CASK: variants seen among roughly 807,000 people sequenced by gnomAD.
CASK encodes calcium/calmodulin dependent serine protein kinase.
Under a neutral mutation model 82.9 loss-of-function variants are expected in CASK, and 4 were observed. That is an observed-to-expected ratio of 0.05 (90% CI 0.02 to 0.11). CASK has a LOEUF of 0.11. CASK is among the 10% of genes least tolerant of loss of function. The probability of loss-of-function intolerance (pLI) is 1.00; values close to 1 mark genes in which losing one functional copy is unlikely to be tolerated. For synonymous variants in CASK, 259 were observed against 253.5 expected, an observed-to-expected ratio of 1.02 and a Z score of -0.20; for missense variants, 358 against 720.9, an observed-to-expected ratio of 0.50 and a Z score of 5.76.
chrX:41,715,623 G>GAA (rs1458553381), intron 5 of CASK, among the ~76,000 whole-genome samples: 5 of 84,185 alleles, frequency 5.9e-5, no homozygotes, highest in African/African-American at 1.8e-4. Context: ...ACTCTGACTT[G>GAA]AAAAAAAAAA....
Position 41,776,479 on chromosome X carries a change from A to G in CASK, c.278+10699T>C, listed in dbSNP as rs780931858. Among the ~76,000 whole-genome samples the G allele has an allele frequency of 3.5e-5, 4 of 112,954 alleles. No homozygotes were observed. In the South Asian group the frequency reaches 1.5e-3, roughly 41 times the overall value. ...TGCCCTGAATGTTTTATCCATTGTA[A>G]TAAAGGCAAGAAAAGATGTAAAAAA... is the stretch of plus-strand genomic sequence containing the variant. On this transcript the variant is annotated intron_variant, in intron 3 of 26. Transcript: ENST00000378163.
chrX:41,742,826 C>T (rs745965308), intron 4 of CASK, among the ~76,000 whole-genome samples: 85 of 111,555 alleles, frequency 7.6e-4, no homozygotes, highest in African/African-American at 2.7e-3. Flanking sequence ...TCTGAGTCCC[C>T]GCCTACTTTT....
At chrX:41,638,444 T>C (rs182522494) in intron 8 of CASK, among the ~76,000 whole-genome samples, 13 of 110,830 alleles carry the variant, frequency 1.2e-4, no homozygotes, top group Non-Finnish European at 2.3e-4. Flanking sequence ...TCCCAGCTAC[T>C]TGGGAGGCTG....
At chrX:41,812,424 G>A (rs2070310147) in intron 2 of CASK, among the ~76,000 whole-genome samples, 2 of 111,518 alleles carry the variant, frequency 1.8e-5, no homozygotes, top group Admixed American at 1.9e-4. Flanking sequence ...TGGGATGCAA[G>A]GCTGGTTCAA....
intron 3 of CASK, among the ~76,000 whole-genome samples, chrX:41,770,721 T>C (rs2069229347): frequency 9.1e-6 from 1 of 110,298 alleles, no homozygotes; most frequent in South Asian, 3.8e-4. Context: ...AAAAAGGAAA[T>C]AGAAACATAA....
intron 22 of CASK, among the ~76,000 whole-genome samples, chrX:41,540,590 G>A (rs1229692734): frequency 8.9e-6 from 1 of 112,195 alleles, no homozygotes; most frequent in East Asian, 2.8e-4. Context: ...CAAATTGCAC[G>A]GTTACTCAGG....
At chrX:41,700,931 C>CAAAAAAAAAA (rs1215266415) in intron 5 of CASK, among the ~76,000 whole-genome samples, 1 of 37,125 alleles carries the variant, frequency 2.7e-5, no homozygotes, top group Non-Finnish European at 4.3e-5. Flanking sequence ...GACTCCGTCT[C>CAAAAAAAAAA]AAAAAAAAAA....
chrX:41,536,803 T>G (rs1424098800), intron 22 of CASK, among the ~76,000 whole-genome samples: 1 of 111,446 alleles, frequency 9.0e-6, no homozygotes, highest in Non-Finnish European at 1.9e-5. Flanking sequence ...AACATGAGGC[T>G]CTCTGTGGTA....
At chrX:41,669,266 G>A (rs2067162590) in intron 6 of CASK, among the ~76,000 whole-genome samples, 1 of 110,853 alleles carries the variant, frequency 9.0e-6, no homozygotes, top group Non-Finnish European at 1.9e-5. Context: ...CGGTGGGGGG[G>A]AGTTCAAAAT....
chrX:41,658,416 A>G (rs2066977311), intron 8 of CASK, among the ~76,000 whole-genome samples: 1 of 111,718 alleles, frequency 9.0e-6, no homozygotes, highest in Admixed American at 9.5e-5. Context: ...CCAGGTAGAT[A>G]GTGTTTGAAT....
chrX:41,538,179 T>C (rs2064901949), intron 22 of CASK, among the ~76,000 whole-genome samples: 1 of 111,134 alleles, frequency 9.0e-6, no homozygotes, highest in East Asian at 2.8e-4. Context: ...GGGCAGTGAG[T>C]TTATGGGCTA....
chrX:41,822,720 T>C (rs2070576286), intron 2 of CASK, among the ~76,000 whole-genome samples: 1 of 110,414 alleles, frequency 9.1e-6, no homozygotes, highest in African/African-American at 3.3e-5. Context: ...TACCATACTA[T>C]TGTCCCTCTT....
At chrX:41,822,574 A>G (rs7473567) in intron 2 of CASK, among the ~76,000 whole-genome samples, 15,841 of 103,465 alleles carry the variant, frequency 0.15, 1,370 homozygotes, top group Middle Eastern at 0.3. Context: ...AAAAAAAAAA[A>G]AAAAAAAAGA....
intron 3 of CASK, among the ~76,000 whole-genome samples, chrX:41,785,667 T>A (rs2069582344): frequency 8.9e-6 from 1 of 112,303 alleles, no homozygotes; most frequent in African/African-American, 3.2e-5. Flanking sequence ...TTGTTTCAGC[T>A]CCTTTGCTAC....
intron 2 of CASK, among the ~76,000 whole-genome samples, chrX:41,840,494 T>A (rs62589204): frequency 0.16 from 18,036 of 111,654 alleles, 1,428 homozygotes; most frequent in Middle Eastern, 0.3. Context: ...TCTTTGGGAC[T>A]TTCTACATAG....
intron 11 of CASK, among the ~76,000 whole-genome samples, chrX:41,620,083 T>G (rs761733289): frequency 1.8e-5 from 2 of 112,772 alleles, no homozygotes; most frequent in South Asian, 7.2e-4. Context: ...TATACCCAAG[T>G]TTTCACTGTA....
chrX:41,672,581 T>TA, intron 5 of CASK, among the ~76,000 whole-genome samples: 1 of 111,501 alleles, frequency 9.0e-6, no homozygotes, highest in Non-Finnish European at 1.9e-5. Context: ...ATAATAGGTA[T>TA]AAAAAAAGGG....
At chrX:41,716,567 C>CT (rs1209750273) in intron 5 of CASK, among the ~76,000 whole-genome samples, 6 of 111,154 alleles carry the variant, frequency 5.4e-5, no homozygotes, top group South Asian at 7.5e-4. Flanking sequence ...ATCACCTCAA[C>CT]TTTTTTTTTA....
intron 1 of CASK, among the ~76,000 whole-genome samples, chrX:41,874,875 G>T (rs2071781492): frequency 8.9e-6 from 1 of 112,407 alleles, no homozygotes; most frequent in Non-Finnish European, 1.9e-5. Flanking sequence ...GTTAGCAAAG[G>T]CTACTATTTC....
Sources: allele counts gnomAD v4.1 joint callset (sites outside exome capture counted in the v4.1 genomes callset), GRCh38; gene constraint gnomAD v4.1.1; transcripts MANE v1.5; gene names NCBI Gene and HGNC (gene_info 2026-07-23, HGNC 2026-07-21).